The following UST variants were observed in gnomAD, a reference collection of about 807,000 sequenced individuals.
UST encodes uronyl 2-sulfotransferase, also known as chondroitin sulfate 2-O-sulfotransferase.
Under a neutral mutation model 45.6 loss-of-function variants are expected in UST, and 21 were observed. The observed-to-expected ratio is 0.46, with a 90% CI of 0.33 to 0.66. UST has a LOEUF of 0.66. Ranked by LOEUF, UST falls within the 30% of genes least tolerant of loss-of-function variation. The pLI is 0.02. For synonymous variants in UST, 215 were observed against 200.6 expected (o/e 1.07, Z -0.61); for missense variants, 463 against 512.4 (o/e 0.90, Z 0.93).
At chr6:148,810,060 C>G (rs1777225772) in intron 1 of UST, among the ~76,000 whole-genome samples, 2 of 152,106 alleles carry the variant, frequency 1.3e-5, no homozygotes, top group African/African-American at 2.4e-5. Flanking sequence ...AATGCATTGC[C>G]AAAGTCAATT....
At chr6:148,838,882 C>T (rs770698208) in intron 1 of UST, among the ~76,000 whole-genome samples, 13 of 152,022 alleles carry the variant, frequency 8.6e-5, no homozygotes, top group South Asian at 2.1e-4. Context: ...GACTGCAGCG[C>T]GAGGCTCCAA....
chr6:148,751,571 A>C (rs1243006984), intron 1 of UST, among the ~76,000 whole-genome samples: 1 of 152,212 alleles, frequency 6.6e-6, no homozygotes, highest in African/African-American at 2.4e-5. Context: ...ATTTGAAAAG[A>C]GTAAAGGAAG....
At chr6:148,813,669 C>T (rs1159595771) in intron 1 of UST, among the ~76,000 whole-genome samples, 1 of 152,102 alleles carries the variant, frequency 6.6e-6, no homozygotes, top group African/African-American at 2.4e-5. Flanking sequence ...AGTGAGCCAC[C>T]GTGTCCAGCC....
chr6:148,984,234 C>T (rs951114344), intron 5 of UST, among the ~76,000 whole-genome samples: 2 of 152,214 alleles, frequency 1.3e-5, no homozygotes, highest in Non-Finnish European at 2.9e-5. Context: ...ATGAAAAACA[C>T]AGATGTGGTT....
chr6:148,858,164 G>A (rs1400321863), intron 1 of UST, among the ~76,000 whole-genome samples: 1 of 152,144 alleles, frequency 6.6e-6, no homozygotes, highest in Non-Finnish European at 1.5e-5. Context: ...ACGATCACAA[G>A]GTGAAGTGCC....
At position 148,925,006 on chromosome 6, in the gene UST, C is replaced by T. The variant is rs186153608; in HGVS notation, c.292-16273C>T. 2.0e-5 allele frequency among the ~76,000 whole-genome samples: 3 copies of T among 152,188 alleles called. No homozygotes were observed. The East Asian group carries it at 5.8e-4, about 29-fold the overall frequency. On this transcript the variant is annotated intron_variant, in intron 2 of 7. Coordinates refer to ENST00000367463, the MANE Select transcript of UST (RefSeq NM_005715.3). ...TAATATTCATGTTTATGTTGAATTC[C>T]TCATGCAGAAACTGATGCATTGCTT...
At chr6:148,949,916 C>T (rs1780331724) in intron 3 of UST, among the ~76,000 whole-genome samples, 1 of 152,064 alleles carries the variant, frequency 6.6e-6, no homozygotes, top group Non-Finnish European at 1.5e-5. Context: ...AGCCCATTTC[C>T]CCCCTTATCT....
chr6:148,750,826 C>T (rs560138480), intron 1 of UST, among the ~76,000 whole-genome samples: 1 of 152,266 alleles, frequency 6.6e-6, no homozygotes, highest in African/African-American at 2.4e-5. Context: ...GGAACTAGAC[C>T]CTCCCTGAGC....
intron 1 of UST, among the ~76,000 whole-genome samples, chr6:148,855,120 A>G (rs1778178868): frequency 6.6e-6 from 1 of 152,124 alleles, no homozygotes. Flanking sequence ...GAACAGCACG[A>G]GAAAGACCCG....
intron 3 of UST, among the ~76,000 whole-genome samples, chr6:148,950,307 C>T (rs772227739): frequency 6.6e-6 from 1 of 152,216 alleles, no homozygotes; most frequent in African/African-American, 2.4e-5. Context: ...CTGAAAACCA[C>T]GACCTCAGTT....
At chr6:148,794,034 T>G (rs1486045992) in intron 1 of UST, among the ~76,000 whole-genome samples, 1 of 152,216 alleles carries the variant, frequency 6.6e-6, no homozygotes, top group Non-Finnish European at 1.5e-5. Flanking sequence ...CTGTTCAGCT[T>G]TCATAGACAC....
rs188043800 is a variant in UST at position 148,823,100 on chromosome 6, A to T, written c.248-63886A>T. ...CAGAGAGGTAGAGATAATTTCCTTTAGTTTTAGAAGAGGGACTTGGCAGAG... is the reference window on the plus strand; with the variant it reads ...CAGAGAGGTAGAGATAATTTCCTTTTGTTTTAGAAGAGGGACTTGGCAGAG... On this transcript the variant is annotated intron_variant, in intron 1 of 7. Transcript: ENST00000367463. Among the ~76,000 whole-genome samples the T allele has an allele frequency of 2.3e-3, 345 of 152,298 alleles. 2 individuals are homozygous for T. The highest frequency in any genetic ancestry group is 7.8e-3 in the African/African-American group (324 of 41,580).
At chr6:148,885,521 G>T (rs1778896880) in intron 1 of UST, among the ~76,000 whole-genome samples, 2 of 152,168 alleles carry the variant, frequency 1.3e-5, no homozygotes, top group South Asian at 2.1e-4. Context: ...ACATTTAAAA[G>T]GGTCCTAAAA....
At chr6:149,037,456 C>T (rs1056382262) in intron 7 of UST, among the ~76,000 whole-genome samples, 3 of 152,166 alleles carry the variant, frequency 2.0e-5, no homozygotes, top group African/African-American at 7.2e-5. Context: ...AAAGAAAACA[C>T]GGAGGCCCAG....
intron 2 of UST, among the ~76,000 whole-genome samples, chr6:148,887,614 C>G (rs1014745212): frequency 2.0e-5 from 3 of 152,194 alleles, no homozygotes; most frequent in African/African-American, 4.8e-5. Context: ...GAATGCTAAT[C>G]TACTGAAAAG....
chr6:148,915,325 T>C (rs4895774), intron 2 of UST, among the ~76,000 whole-genome samples: 124,211 of 152,102 alleles, frequency 0.82, 50,798 homozygotes, highest in African/African-American at 0.84. Flanking sequence ...CCAGGAACCA[T>C]ATTTTTGCGT....
chr6:148,828,185 A>C (rs62426078), intron 1 of UST, among the ~76,000 whole-genome samples: 11,292 of 151,988 alleles, frequency 0.074, 492 homozygotes, highest in Non-Finnish European at 0.11. Flanking sequence ...TATTTGTTCA[A>C]CTTAGGTCTG....
intron 1 of UST, among the ~76,000 whole-genome samples, chr6:148,851,778 T>C (rs895860362): frequency 1.3e-5 from 2 of 152,222 alleles, no homozygotes; most frequent in Admixed American, 1.3e-4. Context: ...TTGCAGACTT[T>C]ATGTGTACAT....
intron 5 of UST, among the ~76,000 whole-genome samples, chr6:148,999,314 A>G (rs534613710): frequency 2.6e-5 from 4 of 152,298 alleles, no homozygotes; most frequent in South Asian, 4.1e-4. Context: ...TTCAAATAAA[A>G]ATTTCATTAT....
Sources: gnomAD v4.1 joint callset for allele counts (sites outside exome capture counted in the v4.1 genomes callset) on GRCh38, gnomAD v4.1.1 for gene constraint, MANE v1.5 for transcripts, NCBI Gene and HGNC (gene_info 2026-07-23, HGNC 2026-07-21) for gene names.